The following MYO5B variants were observed in gnomAD, a reference collection of about 807,000 sequenced individuals.
The protein encoded by MYO5B is myosin VB, also known as unconventional myosin-Vb.
Under a neutral mutation model 229.3 loss-of-function variants are expected in MYO5B, and 143 were observed. The ratio of observed to expected loss-of-function variants is 0.62; its 90% CI spans 0.54 to 0.72. The LOEUF (loss-of-function observed/expected upper bound fraction) is 0.72, where lower values mean the gene tolerates loss of function less well. Ranked by LOEUF, MYO5B falls within the 30% of genes least tolerant of loss-of-function variation. The pLI is 0.00. For synonymous variants in MYO5B, 918 were observed against 885.2 expected (o/e 1.04, Z -0.66); for missense variants, 2,321 against 2,331.0 (o/e 1.00, Z 0.09).
chr18:50,138,865 G>A (rs895323047), intron 1 of MYO5B, among the ~76,000 whole-genome samples: 1 of 152,148 alleles, frequency 6.6e-6, no homozygotes. Flanking sequence ...CTGGGCTGGC[G>A]ATTCTGCAGG....
intron 1 of MYO5B, among the ~76,000 whole-genome samples, chr18:50,187,386 G>T (rs921280187): frequency 6.6e-6 from 1 of 152,224 alleles, no homozygotes; most frequent in African/African-American, 2.4e-5. Flanking sequence ...ACTGTCTCCT[G>T]AGGTGATGCA....
intron 16 of MYO5B, among the ~76,000 whole-genome samples, chr18:49,933,257 G>T (rs2025214115): frequency 1.3e-5 from 2 of 152,132 alleles, no homozygotes; most frequent in South Asian, 4.1e-4. Flanking sequence ...GCGTTCCCAG[G>T]TTATGACAAC....
At chr18:50,045,201 C>T (rs1043742181) in intron 2 of MYO5B, among the ~76,000 whole-genome samples, 27 of 152,072 alleles carry the variant, frequency 1.8e-4, no homozygotes, top group African/African-American at 6.3e-4. Context: ...CAAGAAATTT[C>T]GTTGTAAGCA....
chr18:49,991,155 C>T (rs1014727689), intron 6 of MYO5B, among the ~76,000 whole-genome samples: 5 of 152,228 alleles, frequency 3.3e-5, no homozygotes, highest in Admixed American at 6.5e-5. Flanking sequence ...CAGCAAGCTG[C>T]TTCCCTGGCT....
intron 4 of MYO5B, among the ~76,000 whole-genome samples, chr18:50,025,791 C>T (rs1364856087): frequency 1.3e-5 from 2 of 152,136 alleles, no homozygotes; most frequent in Admixed American, 6.6e-5. Flanking sequence ...GCCCGTGGGA[C>T]AGCTTTTTCC....
intron 1 of MYO5B, among the ~76,000 whole-genome samples, chr18:50,118,120 C>T (rs761330737): frequency 1.3e-5 from 2 of 152,148 alleles, no homozygotes; most frequent in African/African-American, 4.8e-5. Context: ...CAAATGATTG[C>T]AACTCAGTAG....
At chr18:49,945,269 A>G (rs80053860) in intron 14 of MYO5B, among the ~76,000 whole-genome samples, 1 of 152,004 alleles carries the variant, frequency 6.6e-6, no homozygotes, top group Non-Finnish European at 1.5e-5. Context: ...TCCTGTTACT[A>G]TGATTCACAA....
chr18:49,942,396 A>AAAAAAC lies in MYO5B; in HGVS notation c.1753-5000_1753-4999insGTTTTT, dbSNP rs2025325690. Among the ~76,000 whole-genome samples the AAAAAAC allele has an allele frequency of 6.7e-5, 9 of 134,010 alleles. 1 individual carries two copies. The highest frequency in any genetic ancestry group is 2.0e-4 in the African/African-American group (7 of 34,236). 87.9% of individuals were successfully genotyped at this position (134,010 alleles called of 152,430 possible). On this transcript the variant is annotated intron_variant, in intron 14 of 39. Transcript: ENST00000285039. The stretch of plus-strand genomic sequence containing the variant: ...TCTGCACAGCAAAAAAAAAAAAAAA[A>AAAAAAC]AAAAAAAAACTACCGTCAGAGTGAA...
chr18:49,895,159 T>C lies in MYO5B; in HGVS notation c.2827A>G (p.Thr943Ala), dbSNP rs778830477. The stretch of plus-strand genomic sequence containing the variant: ...GTCACGGACAACTGCTCTGAAAGTG[T>C]CTTGAACTCTTTGTTCTGTGGAGAA... The part of the protein sequence containing the change: ...KIDEQNKEFK[T>A]LSEQLSVTTS... Residue 943 changes from threonine to alanine, a missense_variant, in exon 22 of 40, where the codon ACA becomes GCA. Physicochemically the swap from Thr to Ala is moderately conservative, Grantham distance 58. Transcript: ENST00000285039. 7 of 1,613,850 alleles carry C rather than the reference T, an allele frequency of 4.3e-6. No homozygotes were observed. In the Middle Eastern group the frequency reaches 8.2e-4, roughly 189 times the overall value.
At chr18:50,024,797 G>A (rs11662612) in intron 4 of MYO5B, among the ~76,000 whole-genome samples, 56,807 of 152,010 alleles carry the variant, frequency 0.37, 11,338 homozygotes, top group East Asian at 0.56. Flanking sequence ...CTGACTTCCC[G>A]AGTATCTGCT....
intron 2 of MYO5B, among the ~76,000 whole-genome samples, chr18:50,052,069 G>C (rs1330585710): frequency 6.6e-6 from 1 of 152,178 alleles, no homozygotes; most frequent in African/African-American, 2.4e-5. Flanking sequence ...GTGCTGGAGA[G>C]GATGTGGAGA....
chr18:49,913,674 C>A (rs2024982188), intron 17 of MYO5B, among the ~76,000 whole-genome samples: 1 of 152,156 alleles, frequency 6.6e-6, no homozygotes, highest in South Asian at 2.1e-4. Context: ...GCCCTACCCT[C>A]AAGCCTGGAT....
intron 1 of MYO5B, among the ~76,000 whole-genome samples, chr18:50,121,244 G>A (rs1205407161): frequency 1.3e-5 from 2 of 152,156 alleles, no homozygotes; most frequent in Admixed American, 6.5e-5. Context: ...TCCAAAGCTT[G>A]CGTTATCTGT....
chr18:50,113,069 T>C (rs2031894977), intron 1 of MYO5B, among the ~76,000 whole-genome samples: 1 of 152,200 alleles, frequency 6.6e-6, no homozygotes. Flanking sequence ...CGTTTTTCCC[T>C]GAGACCTGTT....
intron 8 of MYO5B, among the ~76,000 whole-genome samples, chr18:49,982,038 A>G (rs1389834311): frequency 6.6e-6 from 1 of 152,138 alleles, no homozygotes; most frequent in Non-Finnish European, 1.5e-5. Flanking sequence ...ACCATCACGG[A>G]ACAAGAAGGA....
chr18:49,945,369 G>A (rs2025359977), intron 14 of MYO5B, among the ~76,000 whole-genome samples: 2 of 151,980 alleles, frequency 1.3e-5, no homozygotes, highest in Admixed American at 1.3e-4. Context: ...GACTTCCTAG[G>A]TTAGGCTAGA....
intron 1 of MYO5B, among the ~76,000 whole-genome samples, chr18:50,172,765 A>G (rs2032937524): frequency 6.6e-6 from 1 of 152,238 alleles, no homozygotes; most frequent in African/African-American, 2.4e-5. Flanking sequence ...CAAGCAAACA[A>G]GAGAGCCAGC....
Position 50,169,593 on chromosome 18 carries a change from G to A in MYO5B, c.27+25174C>T, listed in dbSNP as rs748195601. On this transcript the variant is annotated intron_variant, in intron 1 of 39. Coordinates refer to ENST00000285039, the MANE Select transcript of MYO5B (RefSeq NM_001080467.3). ...AACTGTCCAGGCCATGAAAGTCAAGGAAATACTGAGGAAACGTTCCAGATT... is the reference window on the plus strand; with the variant it reads ...AACTGTCCAGGCCATGAAAGTCAAGAAAATACTGAGGAAACGTTCCAGATT... Among the ~76,000 whole-genome samples, 6 of 127,400 alleles carry A rather than the reference G, an allele frequency of 4.7e-5. 2 individuals carry two copies. Among genetic ancestry groups the A allele is most frequent in the Non-Finnish European group, 1.0e-4 (6 of 59,718 alleles). The allele number at this position is 127,400 out of a possible 152,430, so 83.6% of individuals were successfully genotyped here. A position where few individuals can be genotyped will look rare whatever the true frequency, so the allele number is the denominator to read the frequency against.
intron 21 of MYO5B, among the ~76,000 whole-genome samples, chr18:49,899,127 T>G (rs1418093133): frequency 6.6e-6 from 1 of 152,182 alleles, no homozygotes; most frequent in Non-Finnish European, 1.5e-5. Context: ...CTCCCTATGC[T>G]GTTCTCACAA....
Sources: allele counts gnomAD v4.1 joint callset (sites outside exome capture counted in the v4.1 genomes callset), GRCh38; gene constraint gnomAD v4.1.1; transcripts MANE v1.5; gene names NCBI Gene and HGNC (gene_info 2026-07-23, HGNC 2026-07-21).